Variants in PDZD2 observed in about 807,000 individuals in gnomAD.
The protein encoded by PDZD2 is PDZ domain-containing protein 2.
PDZD2 carries 90 observed loss-of-function variants against 220.7 expected under a neutral mutation model. The ratio of observed to expected loss-of-function variants is 0.41; its 90% confidence interval spans 0.34 to 0.49. PDZD2 has a LOEUF of 0.49. PDZD2 is among the 20% of genes least tolerant of loss of function. PDZD2 has a pLI of 0.28. For missense variants in PDZD2, 3,174 were observed against 3,608.5 expected, an observed-to-expected ratio of 0.88 and a Z score of 3.08; for synonymous variants, 1,375 against 1,450.5, an observed-to-expected ratio of 0.95 and a Z score of 1.18.
chr5:31,763,870 T>TAAAA (rs67321443), intron 1 of PDZD2, among the ~76,000 whole-genome samples: 91 of 137,550 alleles, frequency 6.6e-4, no homozygotes, highest in African/African-American at 2.4e-3. Context: ...GCCCTCTGAT[T>TAAAA]AAAAAAAAAA....
intron 4 of PDZD2, among the ~76,000 whole-genome samples, chr5:31,997,843 G>A (rs2111979160): frequency 6.6e-6 from 1 of 152,146 alleles, no homozygotes; most frequent in East Asian, 1.9e-4. Flanking sequence ...GAGTGGGGAT[G>A]GTCTTTTTTT....
At chr5:31,833,467 CA>C (rs767208821) in intron 2 of PDZD2, among the ~76,000 whole-genome samples, 30 of 149,046 alleles carry the variant, frequency 2.0e-4, no homozygotes, top group East Asian at 4.4e-4. Flanking sequence ...GACCCTGTCT[CA>C]AAAAAAAAAG....
chr5:31,798,822 T>C (rs1160098306), intron 1 of PDZD2, 67 bp from the exon 2 acceptor site: 2 of 178,116 alleles, frequency 1.1e-5, no homozygotes, highest in Non-Finnish European at 1.2e-5. Flanking sequence ...CAGGAGGCTA[T>C]GTTTTCTAGG....
intron 1 of PDZD2, among the ~76,000 whole-genome samples, chr5:31,649,900 T>C (rs959146618): frequency 8.3e-6 from 1 of 120,738 alleles, no homozygotes; most frequent in Non-Finnish European, 1.6e-5. Context: ...ATCACACCAC[T>C]GCACTCCAGC....
intron 19 of PDZD2, among the ~76,000 whole-genome samples, chr5:32,086,483 A>G (rs1742457192): frequency 6.6e-6 from 1 of 152,216 alleles, no homozygotes; most frequent in Non-Finnish European, 1.5e-5. Flanking sequence ...AACATCTGCC[A>G]TCATAGAAAT....
At chr5:32,103,542 C>T (rs1337816544) in intron 24 of PDZD2, 2 of 152,186 alleles carry the variant, frequency 1.3e-5, no homozygotes, top group Non-Finnish European at 2.9e-5. Context: ...GGCATCAATG[C>T]CTGAAGCCAG....
intron 2 of PDZD2, among the ~76,000 whole-genome samples, chr5:31,856,776 A>G (rs998025955): frequency 2.0e-5 from 3 of 151,974 alleles, no homozygotes; most frequent in African/African-American, 4.8e-5. Context: ...TGCCTTCTTC[A>G]TCGTCTTCTG....
intron 2 of PDZD2, chr5:31,823,018 T>C: frequency 8.4e-7 from 1 of 1,188,474 alleles, no homozygotes. Context: ...TACGTTGATG[T>C]GATTGAAGTC....
At chr5:31,963,720 G>T (rs918776342) in intron 2 of PDZD2, among the ~76,000 whole-genome samples, 6 of 152,188 alleles carry the variant, frequency 3.9e-5, no homozygotes, top group African/African-American at 1.4e-4. Flanking sequence ...GATGGACCGG[G>T]AAGCAAAACA....
At chr5:31,682,349 T>C (rs1467232634) in intron 1 of PDZD2, among the ~76,000 whole-genome samples, 1 of 152,220 alleles carries the variant, frequency 6.6e-6, no homozygotes, top group Non-Finnish European at 1.5e-5. Context: ...TAGGGCAAAC[T>C]GTCCCCCGGG....
At chr5:31,653,826 T>C (rs1307614984) in intron 1 of PDZD2, among the ~76,000 whole-genome samples, 1 of 152,052 alleles carries the variant, frequency 6.6e-6, no homozygotes, top group Non-Finnish European at 1.5e-5. Flanking sequence ...ACTCTGTCAC[T>C]CAGGCTGGAG....
rs113608314 is a variant in PDZD2 at position 32,055,546 on chromosome 5, C to G, written c.1900+1663C>G. Among the ~76,000 whole-genome samples, 2 of 152,148 alleles carry G rather than the reference C, an allele frequency of 1.3e-5. 1 individual carries two copies. Among genetic ancestry groups the G allele is most frequent in the South Asian group, 4.1e-4 (2 of 4,828 alleles). On this transcript the variant is annotated intron_variant, in intron 10 of 24. Coordinates refer to ENST00000438447, the MANE Select transcript of PDZD2 (RefSeq NM_178140.4). ...CCAGAGCATGAATCCCGATTTTTTC[C>G]TCTCACTTATTAATATACTTCCTTC...
chr5:31,816,220 G>A (rs1331243334), intron 2 of PDZD2, among the ~76,000 whole-genome samples: 3 of 149,070 alleles, frequency 2.0e-5, no homozygotes, highest in Non-Finnish European at 4.4e-5. Context: ...CCCGGGAGGC[G>A]GAGCTTGCAG....
chr5:32,079,288 A>C (rs1345999078), intron 19 of PDZD2, among the ~76,000 whole-genome samples: 1 of 150,892 alleles, frequency 6.6e-6, no homozygotes, highest in East Asian at 1.9e-4. Context: ...AACAAAAAAA[A>C]AAAAGGAAAT....
At chr5:31,990,145 AG>A (rs1253492787) in intron 3 of PDZD2, among the ~76,000 whole-genome samples, 1 of 152,224 alleles carries the variant, frequency 6.6e-6, no homozygotes, top group African/African-American at 2.4e-5. Flanking sequence ...TACGGCAGCA[AG>A]ATTCTGGTTG....
intron 2 of PDZD2, chr5:31,936,273 CT>C (rs1745716606): frequency 1.0e-6 from 1 of 987,608 alleles, no homozygotes; most frequent in Admixed American, 6.2e-5. Context: ...GCACAACCAA[CT>C]TTGGAGTCTG....
At chr5:31,706,442 G>A (rs72755422) in intron 1 of PDZD2, among the ~76,000 whole-genome samples, 20,667 of 152,068 alleles carry the variant, frequency 0.14, 1,536 homozygotes, top group East Asian at 0.21. Context: ...CAGGGGAGGC[G>A]GAGAAGCACA....
At chr5:32,065,814 C>T (rs532413427) in intron 14 of PDZD2, among the ~76,000 whole-genome samples, 1 of 152,228 alleles carries the variant, frequency 6.6e-6, no homozygotes, top group South Asian at 2.1e-4. Context: ...CGCCTGCGAT[C>T]AGGAGTTCTA....
intron 2 of PDZD2, among the ~76,000 whole-genome samples, chr5:31,906,326 G>A (rs1235580794): frequency 6.6e-6 from 1 of 150,668 alleles, no homozygotes; most frequent in Non-Finnish European, 1.5e-5. Context: ...AGAGGCTGGA[G>A]TGCAGTGGTA....
Sources: gnomAD v4.1 joint callset for allele counts (sites outside exome capture counted in the v4.1 genomes callset) on GRCh38, gnomAD v4.1.1 for gene constraint, MANE v1.5 for transcripts, NCBI Gene and HGNC (gene_info 2026-07-23, HGNC 2026-07-21) for gene names.